ANK1: variants seen among roughly 807,000 people sequenced by gnomAD.
ANK1 encodes the protein ankyrin 1, also known as ankyrin-1.
Under a neutral mutation model 210.4 loss-of-function variants are expected in ANK1, and 51 were observed. The ratio of observed to expected loss-of-function variants is 0.24; its 90% CI spans 0.19 to 0.31. The LOEUF is 0.31. ANK1 is among the 10% of genes least tolerant of loss of function. The pLI is 1.00. For synonymous variants in ANK1, 967 were observed against 1,025.9 expected (o/e 0.94, Z 1.10); for missense variants, 2,051 against 2,504.4 (o/e 0.82, Z 3.86).
intron 2 of ANK1, among the ~76,000 whole-genome samples, chr8:41,741,657 G>A (rs762273943): frequency 6.6e-6 from 1 of 151,902 alleles, no homozygotes; most frequent in Non-Finnish European, 1.5e-5. Context: ...AGCGATTTAC[G>A]TGGCCCGCTT....
intron 1 of ANK1, among the ~76,000 whole-genome samples, chr8:41,862,772 G>A (rs538063961): frequency 6.6e-6 from 1 of 152,056 alleles, no homozygotes; most frequent in Non-Finnish European, 1.5e-5. Flanking sequence ...CACTTTGAGA[G>A]GCTGAGGCAG....
chr8:41,750,293 CCTGGG>C (rs372106839), intron 2 of ANK1, among the ~76,000 whole-genome samples: 280 of 152,320 alleles, frequency 1.8e-3, no homozygotes, highest in African/African-American at 6.4e-3. Flanking sequence ...CACGTGCTTT[CCTGGG>C]CTGGGTTTTC....
chr8:41,664,689 C>G (rs1809771895), intron 39 of ANK1: 15 of 1,090,518 alleles, frequency 1.4e-5, no homozygotes, highest in Non-Finnish European at 1.6e-5. Context: ...CCTCCTGGTC[C>G]TTTTCCTCCG....
At chr8:41,858,578 G>C (rs1237569396) in intron 1 of ANK1, among the ~76,000 whole-genome samples, 1 of 152,202 alleles carries the variant, frequency 6.6e-6, no homozygotes, top group Non-Finnish European at 1.5e-5. Context: ...GCTCGGACGT[G>C]AGCACAGCCG....
chr8:41,740,007 G>T (rs1284303401), intron 2 of ANK1, among the ~76,000 whole-genome samples: 1 of 151,794 alleles, frequency 6.6e-6, no homozygotes, highest in Non-Finnish European at 1.5e-5. Flanking sequence ...TGTACATCTG[G>T]CCCTCTAAGG....
At chr8:41,665,353 G>T in intron 39 of ANK1, 1 of 1,125,732 alleles carries the variant, frequency 8.9e-7, no homozygotes, top group Admixed American at 2.6e-5. Context: ...CTAGAAGGAA[G>T]CCGGCAGGTG....
At chr8:41,726,076 C>A in intron 5 of ANK1, 130 bp from the exon 6 acceptor site, 1 of 1,023,970 alleles carries the variant, frequency 9.8e-7, no homozygotes, top group East Asian at 2.6e-5. Context: ...TCCACCAAAG[C>A]CCTCTTCATC....
chr8:41,773,769 A>G (rs568302389), intron 1 of ANK1, among the ~76,000 whole-genome samples: 3 of 152,236 alleles, frequency 2.0e-5, no homozygotes, highest in South Asian at 2.1e-4. Flanking sequence ...GAGAATCTAC[A>G]ACAGGAAGAT....
intron 1 of ANK1, among the ~76,000 whole-genome samples, chr8:41,769,977 C>CTTTTTTTT (rs59542968): frequency 0.016 from 1,422 of 86,548 alleles, 1 homozygote; most frequent in East Asian, 0.033. Flanking sequence ...TTTCTTTTTT[C>CTTTTTTTT]TTTTTTTTTT....
chr8:41,800,686 T>C (rs567286348), upstream of ANK1, among the ~76,000 whole-genome samples: 1 of 152,154 alleles, frequency 6.6e-6, no homozygotes, highest in Non-Finnish European at 1.5e-5. Context: ...TTATCATCCC[T>C]TGTTTCTCTC....
intron 2 of ANK1, among the ~76,000 whole-genome samples, chr8:41,736,780 A>G (rs13261129): frequency 0.025 from 3,797 of 152,278 alleles, 155 homozygotes; most frequent in African/African-American, 0.085. Flanking sequence ...CACGATTTCA[A>G]TCCGGAGGGA....
chr8:41,883,177 C>A (rs1021414805), intron 1 of ANK1, among the ~76,000 whole-genome samples: 31 of 152,238 alleles, frequency 2.0e-4, no homozygotes, highest in African/African-American at 7.2e-4. Context: ...ACTTCATCAG[C>A]ATAGATTCCT....
At chr8:41,878,312 A>G (rs948459683) in intron 1 of ANK1, among the ~76,000 whole-genome samples, 3 of 152,168 alleles carry the variant, frequency 2.0e-5, no homozygotes, top group Non-Finnish European at 4.4e-5. Flanking sequence ...ACACCCCTAC[A>G]TCTTCAAGCT....
chr8:41,862,134 C>A (rs1043835529), intron 1 of ANK1, among the ~76,000 whole-genome samples: 7 of 152,202 alleles, frequency 4.6e-5, no homozygotes, highest in African/African-American at 1.4e-4. Flanking sequence ...TCCCAAGGAC[C>A]TGATTCCCAG....
chr8:41,824,955 A>T, intron 1 of ANK1, among the ~76,000 whole-genome samples: 1 of 152,184 alleles, frequency 6.6e-6, no homozygotes, highest in Non-Finnish European at 1.5e-5. Context: ...AAGGGCCCCC[A>T]TTTCTTGCCT....
chr8:41,859,378 G>A (rs188628949), intron 1 of ANK1, among the ~76,000 whole-genome samples: 3 of 152,162 alleles, frequency 2.0e-5, no homozygotes, highest in African/African-American at 4.8e-5. Context: ...TGACACTCTC[G>A]CTCTGTCGCC....
intron 1 of ANK1, among the ~76,000 whole-genome samples, chr8:41,894,596 T>C (rs1239278924): frequency 6.6e-6 from 1 of 151,946 alleles, no homozygotes; most frequent in African/African-American, 2.4e-5. Context: ...AAATGATATA[T>C]GGTGTCGGGA....
intron 37 of ANK1, among the ~76,000 whole-genome samples, chr8:41,681,947 C>T (rs989850325): frequency 1.3e-5 from 2 of 152,216 alleles, no homozygotes; most frequent in African/African-American, 2.4e-5. Context: ...TCAGGGACTG[C>T]TGAGGCTGCA....
Position 41,844,990 on chromosome 8 carries a change from C to T in ANK1, c.126+51365G>A, listed in dbSNP as rs373119253. ...CTGCACCAGCCCCAGGATTGCAACG[C>T]GGAAAAGCTGCCTCTACTCAGCAGA... On this transcript the variant is annotated intron_variant, in intron 1 of 42. Transcript: ENST00000265709. 6.0e-4 allele frequency among the ~76,000 whole-genome samples: 91 copies of T among 152,238 alleles called. 2 individuals carry two copies. The highest frequency in any genetic ancestry group is 2.1e-3 in the African/African-American group (87 of 41,524).
Sources: gnomAD v4.1 joint callset for allele counts (sites outside exome capture counted in the v4.1 genomes callset) on GRCh38, gnomAD v4.1.1 for gene constraint, MANE v1.5 for transcripts, NCBI Gene and HGNC (gene_info 2026-07-23, HGNC 2026-07-21) for gene names.